BCL9: variants seen among roughly 807,000 people sequenced by gnomAD.
BCL9 encodes the protein B-cell CLL/lymphoma 9 protein.
In BCL9, 25 loss-of-function variants were observed where a neutral mutation model predicts 88.5. The observed-to-expected ratio is 0.28, with a 90% CI of 0.21 to 0.39. The LOEUF (loss-of-function observed/expected upper bound fraction) is 0.39. Ranked by LOEUF, BCL9 falls within the 10% of genes least tolerant of loss-of-function variation. The pLI is 1.00. For synonymous variants in BCL9, 711 were observed against 673.3 expected, an observed-to-expected ratio of 1.06 and a Z score of -0.87; for missense variants, 1,817 against 1,877.8, an observed-to-expected ratio of 0.97 and a Z score of 0.60.
At chr1:147,590,460 T>G (rs1311501614) in intron 1 of BCL9, among the ~76,000 whole-genome samples, 1 of 152,166 alleles carries the variant, frequency 6.6e-6, no homozygotes, top group African/African-American at 2.4e-5. Flanking sequence ...TCTCCTGGCT[T>G]CTTCTCTCTT....
At chr1:147,579,158 G>A (rs887667341) in intron 1 of BCL9, among the ~76,000 whole-genome samples, 5 of 152,110 alleles carry the variant, frequency 3.3e-5, no homozygotes, top group Admixed American at 6.5e-5. Context: ...GAGCCACCGC[G>A]CCCAGCTGAA....
At chr1:147,581,853 T>C (rs1480598911) in intron 1 of BCL9, among the ~76,000 whole-genome samples, 3 of 152,214 alleles carry the variant, frequency 2.0e-5, no homozygotes, top group Non-Finnish European at 4.4e-5. Flanking sequence ...TTTGAAAGCT[T>C]TTCTGCTTTT....
rs1255805320 is a variant in BCL9, at chr1:147,573,781, A to G, written c.-477-30996A>G. 1.1e-4 allele frequency among the ~76,000 whole-genome samples: 17 copies of G among 152,170 alleles called. No individual in the cohort carries two copies. The East Asian group carries it at 3.1e-3, about 28-fold the overall frequency. ...GCAGTGAATATTGTTATTTTCCAGG[A>G]AGGAGAAGTGACTTCTTTAAGTCAC... On this transcript the variant is annotated intron_variant, in intron 1 of 9. Transcript: ENST00000234739.
At chr1:147,606,211 C>A (rs917825782) in intron 2 of BCL9, among the ~76,000 whole-genome samples, 1 of 152,116 alleles carries the variant, frequency 6.6e-6, no homozygotes, top group African/African-American at 2.4e-5. Flanking sequence ...AATTCAGTAC[C>A]GCACTTTGCA....
chr1:147,561,826 C>T (rs587612621), intron 1 of BCL9, among the ~76,000 whole-genome samples: 10 of 152,232 alleles, frequency 6.6e-5, no homozygotes, highest in South Asian at 2.1e-4. Context: ...GAAAGAGCAG[C>T]GAGAGTGTCA....
chr1:147,562,478 A>G (rs1276131412), intron 1 of BCL9, among the ~76,000 whole-genome samples: 1 of 152,222 alleles, frequency 6.6e-6, no homozygotes, highest in African/African-American at 2.4e-5. Context: ...TTTCAGAGAC[A>G]TAATCTGACA....
At position 147,612,923 on chromosome 1, in the gene BCL9, A is replaced by T. The variant is rs587636050; in HGVS notation, c.94A>T (p.Thr32Ser). 2.5e-6 allele frequency: 4 copies of T among 1,613,982 alleles called. No individual in the cohort carries two copies. The East Asian group carries it at 6.7e-5, about 27-fold the overall frequency. Residue 32 changes from threonine (T) to serine (S), a missense_variant, in exon 5 of 10, where the codon ACA becomes TCA. Thr to Ser is a moderately conservative substitution (Grantham distance 58). Coordinates refer to ENST00000234739, the MANE Select transcript of BCL9 (RefSeq NM_004326.4). ...GCAGGAGGTGATGGTCCGTCCCCCT[A>T]CAGTGATGTCCCCATCTGGAAACCC... ...SKQEVMVRPP[T>S]VMSPSGNPQL...
chr1:147,614,035 T>C (rs1284283317), intron 5 of BCL9, among the ~76,000 whole-genome samples: 1 of 152,152 alleles, frequency 6.6e-6, no homozygotes, highest in Non-Finnish European at 1.5e-5. Flanking sequence ...GATACAGCTG[T>C]TGTCCTCAAA....
intron 1 of BCL9, among the ~76,000 whole-genome samples, chr1:147,597,597 C>A (rs1221837328): frequency 6.6e-6 from 1 of 152,052 alleles, no homozygotes; most frequent in African/African-American, 2.4e-5. Flanking sequence ...TCCTTATACA[C>A]CAAAATAGAA....
chr1:147,575,252 T>A (rs1656057418), intron 1 of BCL9, among the ~76,000 whole-genome samples: 1 of 152,208 alleles, frequency 6.6e-6, no homozygotes, highest in Non-Finnish European at 1.5e-5. Context: ...GCCTTGAGCA[T>A]CACTCCTCTA....
chr1:147,588,376 C>T (rs782413090), intron 1 of BCL9, among the ~76,000 whole-genome samples: 1 of 152,034 alleles, frequency 6.6e-6, no homozygotes, highest in African/African-American at 2.4e-5. Flanking sequence ...ACTACTTTGA[C>T]CTTAAACTCT....
rs74358883 is a variant in BCL9 at position 147,617,313 on chromosome 1, G to A, written c.660+1411G>A. 2.2e-4 allele frequency among the ~76,000 whole-genome samples: 33 copies of A among 152,262 alleles called. 1 individual carries two copies. In the East Asian group the frequency reaches 5.4e-3, roughly 25 times the overall value. ...GGAAAGGAGTTAAGGAAGGAATTGG[G>A]AATAATCCATTGTTCCACATCTAAA... On this transcript the variant is annotated intron_variant, in intron 7 of 9. Transcript: ENST00000234739.
intron 1 of BCL9, among the ~76,000 whole-genome samples, chr1:147,555,672 A>G (rs1655075022): frequency 1.3e-5 from 2 of 152,200 alleles, no homozygotes; most frequent in African/African-American, 2.4e-5. Context: ...CGTTTCTTAC[A>G]TAAGTCACAC....
intron 7 of BCL9, among the ~76,000 whole-genome samples, chr1:147,616,777 A>AT (rs1208233529): frequency 6.6e-6 from 1 of 151,688 alleles, no homozygotes; most frequent in Non-Finnish European, 1.5e-5. Context: ...TGTCTCAAAA[A>AT]AAAAAAGCAT....
chr1:147,589,962 G>A (rs1553199718), intron 1 of BCL9, among the ~76,000 whole-genome samples: 1 of 152,208 alleles, frequency 6.6e-6, no homozygotes, highest in Non-Finnish European at 1.5e-5. Flanking sequence ...AGCAATGCAT[G>A]AAAGTGTTAG....
intron 1 of BCL9, among the ~76,000 whole-genome samples, chr1:147,583,578 T>C (rs1271106727): frequency 5.9e-5 from 9 of 152,040 alleles, no homozygotes; most frequent in Non-Finnish European, 2.9e-5. Flanking sequence ...ATGCCCAGCC[T>C]AGATCGTTTG....
chr1:147,566,900 GTC>G (rs1437307673), intron 1 of BCL9, among the ~76,000 whole-genome samples: 1 of 152,166 alleles, frequency 6.6e-6, no homozygotes, highest in Non-Finnish European at 1.5e-5. Flanking sequence ...ATCACAGAAA[GTC>G]TGAATATGTA....
intron 1 of BCL9, chr1:147,600,136 G>A (rs1657293079): frequency 6.5e-6 from 1 of 152,798 alleles, no homozygotes; most frequent in Non-Finnish European, 1.5e-5. Context: ...GAGCCGGAAA[G>A]GGGGAGGCGC....
At position 147,611,707 on chromosome 1, in the gene BCL9, C is replaced by T. The variant is rs1414320331; in HGVS notation, c.-130C>T. On this transcript the variant is annotated 5_prime_UTR_variant, in exon 4 of 10. An upstream open reading frame in the 5' UTR gains an earlier in-frame stop. Transcript: ENST00000234739. Reference sequence around the variant, plus strand: ...AAAGAGGAAAAAGGCATACAGGCAGCGAGCGCTAAGGGACGCACCCAGCAA... The same window carrying T: ...AAAGAGGAAAAAGGCATACAGGCAGTGAGCGCTAAGGGACGCACCCAGCAA... 11 of 800,906 alleles carry T rather than the reference C, an allele frequency of 1.4e-5. No homozygotes were observed. The highest frequency in any genetic ancestry group is 1.9e-5 in the Non-Finnish European group (9 of 475,218). 49.6% of individuals were successfully genotyped at this position (800,906 alleles called of 1,614,324 possible). A position where few individuals can be genotyped will look rare whatever the true frequency, so the allele number is the denominator to read the frequency against.
Sources: gnomAD v4.1 joint callset for allele counts (sites outside exome capture counted in the v4.1 genomes callset) on GRCh38, gnomAD v4.1.1 for gene constraint, MANE v1.5 for transcripts, NCBI Gene and HGNC (gene_info 2026-07-23, HGNC 2026-07-21) for gene names.